VTCN1: variants seen among roughly 807,000 people sequenced by gnomAD.
The protein encoded by VTCN1 is V-set domain containing T cell activation inhibitor 1, also known as V-set domain-containing T-cell activation inhibitor 1.
Under a neutral mutation model 26.5 loss-of-function variants are expected in VTCN1, and 26 were observed. The ratio of observed to expected loss-of-function variants is 0.98; its 90% CI spans 0.72 to 1.36. The LOEUF is 1.36. Among genes scored for constraint, VTCN1 ranks in the 40% most tolerant of loss-of-function variants. The pLI is 0.00. For missense variants in VTCN1, 298 were observed against 337.7 expected (o/e 0.88, Z 0.92); for synonymous variants, 116 against 130.7 (o/e 0.89, Z 0.77).
rs1015728285 is a variant in VTCN1, at chr1:117,167,503, A to G, written c.97+2604T>C. ...TCTGTAGTTCCACATTATGTTTTGC[A>G]TATGAAAATGTACTCAGTCTCTGTC... On this transcript the variant is annotated intron_variant, in intron 2 of 5. Coordinates refer to ENST00000369458, the MANE Select transcript of VTCN1 (RefSeq NM_024626.4). This position sits in a 1 kb window ranked among gnomAD's most constrained non-coding sequence, Gnocchi z 4.1. Among the ~76,000 whole-genome samples, 3 of 152,222 alleles carry G rather than the reference A, an allele frequency of 2.0e-5. No individual in the cohort carries two copies. Among genetic ancestry groups the G allele is most frequent in the African/African-American group, 7.2e-5 (3 of 41,450 alleles).
chr1:117,200,889 C>A (rs1205880303), intron 1 of VTCN1, among the ~76,000 whole-genome samples: 1 of 152,122 alleles, frequency 6.6e-6, no homozygotes, highest in Non-Finnish European at 1.5e-5. Flanking sequence ...GTAGCTGGGA[C>A]TATAGGCGTA....
In VTCN1 at chr1:117,156,744, T is replaced by C. The variant is rs1652091771; in HGVS notation, c.275A>G (p.Glu92Gly). The change falls in exon 3 of 6, where the codon GAG (glutamate) becomes GGG (glycine). Residue 92 changes from glutamate to glycine, a missense_variant. Physicochemically the swap from Glu to Gly is moderately conservative, Grantham distance 98. Transcript: ENST00000369458. ...EFKEGKDELS[E>G]QDEMFRGRTA... ...CCGGCCTCTGAACATTTCATCCTGCTCCGACAGCTCATCTTTGCCTTCTTT... is the reference window on the plus strand; with the variant it reads ...CCGGCCTCTGAACATTTCATCCTGCCCCGACAGCTCATCTTTGCCTTCTTT... The C allele has an allele frequency of 6.2e-7, 1 of 1,614,170 alleles. No individual in the cohort carries two copies. Among genetic ancestry groups the C allele is most frequent in the Non-Finnish European group, 8.5e-7 (1 of 1,180,020 alleles).
At position 117,144,449 on chromosome 1, in the gene VTCN1, A is replaced by T. The variant is rs549145866; in HGVS notation, c.*822T>A. 6.6e-6 allele frequency: 1 copy of T among 152,292 alleles called. No homozygotes were observed. The highest frequency in any genetic ancestry group is 2.4e-5 in the African/African-American group (1 of 41,564). The allele number at this position is 152,292 out of a possible 1,614,324, so 9.4% of individuals were successfully genotyped here. A position where few individuals can be genotyped will look rare whatever the true frequency, so the allele number is the denominator to read the frequency against. ...TTGAAAACTGAGGTCTTAGCTGTCC[A>T]CGCAGGATGGAAAGGAGAAGCCTCA... On this transcript the variant is annotated 3_prime_UTR_variant, in exon 6 of 6. Coordinates refer to ENST00000369458, the MANE Select transcript of VTCN1 (RefSeq NM_024626.4).
chr1:117,169,031 T>C lies in VTCN1; in HGVS notation c.97+1076A>G, dbSNP rs765046611. Reference sequence around the variant, plus strand: ...CCAGCATGTCTACACTGGAGAAGCATGGCAGAAAGGCCACTGGAATATAGA... The same window carrying C: ...CCAGCATGTCTACACTGGAGAAGCACGGCAGAAAGGCCACTGGAATATAGA... On this transcript the variant is annotated intron_variant, in intron 2 of 5. Transcript: ENST00000369458. The surrounding 1 kb of genome is among the most constrained non-coding windows in gnomAD (Gnocchi z 4.0). 2.0e-5 allele frequency among the ~76,000 whole-genome samples: 3 copies of C among 152,346 alleles called. No individual in the cohort carries two copies. Among genetic ancestry groups the C allele is most frequent in the East Asian group, 1.9e-4 (1 of 5,184 alleles).
chr1:117,166,664 A>G (rs1432676839), intron 2 of VTCN1, among the ~76,000 whole-genome samples: 16 of 151,186 alleles, frequency 1.1e-4, no homozygotes, highest in Admixed American at 1.1e-3. Flanking sequence ...CAAAAAAAAA[A>G]AAAAAGAAAG....
rs966720650 is a variant in VTCN1 at position 117,152,941 on chromosome 1, A to G, written c.724+150T>C. On this transcript the variant is annotated intron_variant, in intron 4 of 5. Coordinates refer to ENST00000369458, the MANE Select transcript of VTCN1 (RefSeq NM_024626.4). ...TGTTGGGCTTTCTCTTATGTAATACAATCTCAACTGGAATTGAGTGATCAA... is the reference window on the plus strand; with the variant it reads ...TGTTGGGCTTTCTCTTATGTAATACGATCTCAACTGGAATTGAGTGATCAA... 6 of 903,628 alleles carry G rather than the reference A, an allele frequency of 6.6e-6. No individual in the cohort carries two copies. The African/African-American group carries it at 1.0e-4, about 15-fold the overall frequency. The allele number at this position is 903,628 out of a possible 1,614,324, so 56.0% of individuals were successfully genotyped here.
intron 2 of VTCN1, among the ~76,000 whole-genome samples, chr1:117,165,139 G>A (rs981012863): frequency 6.6e-6 from 1 of 152,242 alleles, no homozygotes; most frequent in Non-Finnish European, 1.5e-5. Flanking sequence ...GGTATGGGGT[G>A]ATGGGTAGGA....
Position 117,146,796 on chromosome 1 carries a change from C to T in VTCN1, c.*45+817G>A, listed in dbSNP as rs554076974. ...GAGCAAAGGAAGGCTATGATGAAAT[C>T]GTGTTTCAGAATACTTCGATTCTGG... On this transcript the variant is annotated intron_variant, in intron 5 of 5. Coordinates refer to ENST00000369458, the MANE Select transcript of VTCN1 (RefSeq NM_024626.4). This position sits in a 1 kb window ranked among gnomAD's most constrained non-coding sequence, Gnocchi z 4.2. Among the ~76,000 whole-genome samples, 7 of 152,238 alleles carry T rather than the reference C, an allele frequency of 4.6e-5. No homozygotes were observed. The highest frequency in any genetic ancestry group is 7.2e-5 in the African/African-American group (3 of 41,526).
intron 2 of VTCN1, among the ~76,000 whole-genome samples, chr1:117,158,059 G>C (rs1180470359): frequency 6.6e-6 from 1 of 152,206 alleles, no homozygotes; most frequent in Non-Finnish European, 1.5e-5. Flanking sequence ...GGCTTTGCAG[G>C]GTGCAGCCTC....
At position 117,153,238 on chromosome 1, in the gene VTCN1, C is replaced by A. The variant is rs1651891089; in HGVS notation, c.577G>T (p.Glu193Ter). Residue 193 changes from glutamate (E) to a stop codon, truncating the protein, a stop_gained, in exon 4 of 6, where the codon GAA (glutamate) becomes TAA (stop). Transcript: ENST00000369458. LOFTEE classifies it high-confidence loss of function. ...AGCTCAAAGCTGGTATTGGAGACTT[C>A]CGAGAAGTTGGCTCCCTGGTCAACT... The part of the protein sequence containing the change: ...SQVDQGANFS[E>*]VSNTSFELNS... The A allele has an allele frequency of 1.2e-6, 2 of 1,613,968 alleles. No individual in the cohort carries two copies. The highest frequency in any genetic ancestry group is 1.7e-6 in the Non-Finnish European group (2 of 1,179,992).
chr1:117,195,935 G>A (rs559037528), intron 1 of VTCN1, among the ~76,000 whole-genome samples: 1 of 152,300 alleles, frequency 6.6e-6, no homozygotes, highest in Admixed American at 6.5e-5. Flanking sequence ...AGGATTGCCT[G>A]AGCCCAGGGG....
intron 2 of VTCN1, among the ~76,000 whole-genome samples, chr1:117,164,027 ATGTC>A (rs1652493423): frequency 1.3e-5 from 2 of 152,114 alleles, no homozygotes; most frequent in South Asian, 4.1e-4. Context: ...TTAGGGGTGT[ATGTC>A]TGCTGCTTGA....
intron 4 of VTCN1, among the ~76,000 whole-genome samples, chr1:117,151,187 G>A (rs1270666823): frequency 6.7e-6 from 1 of 149,988 alleles, no homozygotes; most frequent in African/African-American, 2.5e-5. Context: ...TGCCCAACCT[G>A]AGTGTTACAG....
intron 4 of VTCN1, among the ~76,000 whole-genome samples, chr1:117,148,307 C>A (rs1651617954): frequency 6.6e-6 from 1 of 152,214 alleles, no homozygotes; most frequent in Non-Finnish European, 1.5e-5. Flanking sequence ...CACTTACCAG[C>A]TGTGTGACTT....
chr1:117,188,689 C>G (rs1453229793), intron 1 of VTCN1, among the ~76,000 whole-genome samples: 2 of 152,150 alleles, frequency 1.3e-5, no homozygotes, highest in Non-Finnish European at 2.9e-5. Flanking sequence ...GGGACATATT[C>G]TACTACTATA....
At chr1:117,203,705 A>C (rs1648905293) in intron 1 of VTCN1, 2 of 985,310 alleles carry the variant, frequency 2.0e-6, no homozygotes, top group South Asian at 9.4e-5. Context: ...ATGTGGAATG[A>C]TAAATGATCC....
chr1:117,194,746 T>C (rs1456033496), intron 1 of VTCN1, among the ~76,000 whole-genome samples: 1 of 152,252 alleles, frequency 6.6e-6, no homozygotes, highest in Non-Finnish European at 1.5e-5. Flanking sequence ...GAGGTCATTA[T>C]GCTAAGTGAA....
intron 1 of VTCN1, among the ~76,000 whole-genome samples, chr1:117,196,401 T>TAGAGAG (rs200919916): frequency 5.4e-5 from 8 of 147,946 alleles, no homozygotes; most frequent in African/African-American, 1.5e-4. Context: ...TATATATATA[T>TAGAGAG]ATAGAGAGAG....
intron 1 of VTCN1, among the ~76,000 whole-genome samples, chr1:117,188,514 T>C (rs1648076706): frequency 6.6e-6 from 1 of 152,234 alleles, no homozygotes; most frequent in Non-Finnish European, 1.5e-5. Context: ...TATTTCTATA[T>C]GTGCACTTTA....
Sources: gnomAD v4.1 joint callset for allele counts (sites outside exome capture counted in the v4.1 genomes callset) on GRCh38, gnomAD v4.1.1 for gene constraint, Gnocchi (gnomAD v3.1) non-coding constraint, MANE v1.5 for transcripts, NCBI Gene and HGNC (gene_info 2026-07-23, HGNC 2026-07-21) for gene names.